NUFIP2: variants seen among roughly 807,000 people sequenced by gnomAD.
The protein encoded by NUFIP2 is FMR1-interacting protein NUFIP2.
Under a neutral mutation model 56.9 loss-of-function variants are expected in NUFIP2, and 6 were observed. The ratio of observed to expected loss-of-function variants is 0.11; its 90% CI spans 0.06 to 0.21. NUFIP2 has a LOEUF of 0.21. NUFIP2 is among the 10% of genes least tolerant of loss of function. The pLI is 1.00. For missense variants in NUFIP2, 828 were observed against 826.8 expected (o/e 1.00, Z -0.02); for synonymous variants, 321 against 298.2 (o/e 1.08, Z -0.79).
At chr17:29,281,522 ATAT>A (rs375600658) in intron 2 of NUFIP2, among the ~76,000 whole-genome samples, 219 of 151,454 alleles carry the variant, frequency 1.4e-3, no homozygotes, top group African/African-American at 5.0e-3. Flanking sequence ...ATGGCATAAC[ATAT>A]TATATAAAAA....
Position 29,261,347 on chromosome 17 carries a change from TAC to T in NUFIP2, c.*3190_*3191del, listed in dbSNP as rs2069001270. On this transcript the variant is annotated 3_prime_UTR_variant, in exon 4 of 4. Coordinates refer to ENST00000225388, the MANE Select transcript of NUFIP2 (RefSeq NM_020772.3). ...TCATTCTCTGAATACTAATGTCTTATACACATTCATTTACTAATTTTTAATAT... is the reference window on the plus strand; with the variant it reads ...TCATTCTCTGAATACTAATGTCTTATACATTCATTTACTAATTTTTAATAT... 1 of 152,116 alleles carries T rather than the reference TAC, an allele frequency of 6.6e-6. No individual in the cohort carries two copies. The highest frequency in any genetic ancestry group is 2.4e-5 in the African/African-American group (1 of 41,432). 9.4% of individuals were successfully genotyped at this position (152,116 alleles called of 1,614,324 possible). A position where few individuals can be genotyped will look rare whatever the true frequency, so the allele number is the denominator to read the frequency against.
At position 29,287,100 on chromosome 17, in the gene NUFIP2, A is replaced by G; in HGVS notation, c.894T>C (p.Asp298=). 5 of 1,614,168 alleles carry G rather than the reference A, an allele frequency of 3.1e-6. No homozygotes were observed. Among genetic ancestry groups the G allele is most frequent in the Non-Finnish European group, 4.2e-6 (5 of 1,180,036 alleles). The change falls in exon 2 of 4, where the codon GAT becomes GAC. Residue 298 remains aspartate, a synonymous_variant. Coordinates refer to ENST00000225388, the MANE Select transcript of NUFIP2 (RefSeq NM_020772.3). ...TACTATCTGAGCTTTTCCGAAGCAT[A>G]TCACCCACAGCAGGTTTTCCTCGAC... ...GTSRGKPAVG[D]MLRKSSDSKP... is the part of the protein sequence containing the mutation.
rs1598428833 is a variant in NUFIP2, at chr17:29,264,408, T to C, written c.*131A>G. 6 of 355,072 alleles carry C rather than the reference T, an allele frequency of 1.7e-5. No individual in the cohort carries two copies. The highest frequency in any genetic ancestry group is 5.3e-5 in the East Asian group (1 of 18,818). The allele number at this position is 355,072 out of a possible 1,614,324, so 22.0% of individuals were successfully genotyped here. On this transcript the variant is annotated 3_prime_UTR_variant, in exon 4 of 4. Coordinates refer to ENST00000225388, the MANE Select transcript of NUFIP2 (RefSeq NM_020772.3). ...ATATATATGTATATATATATATTTG[T>C]ATATATTATCCTGTGATTCTACTTA...
At position 29,286,575 on chromosome 17, in the gene NUFIP2, G is replaced by A. The variant is rs1332365620; in HGVS notation, c.1419C>T (p.Ile473=). 4 of 1,614,038 alleles carry A rather than the reference G, an allele frequency of 2.5e-6. No homozygotes were observed. In the Admixed American group the frequency reaches 5.0e-5, roughly 20 times the overall value. Residue 473 remains isoleucine (I), a synonymous_variant, in exon 2 of 4, where the codon ATC becomes ATT. Transcript: ENST00000225388. ...GCATAGTTTGCATATTTGAAGGATA[G>A]ATAAAAAGGCTAGTCTTAATTTGTT... ...AVEQIKTSLF[I]YPSNMQTMLL...
chr17:29,292,703 G>A (rs990892085), intron 1 of NUFIP2, among the ~76,000 whole-genome samples: 5 of 149,464 alleles, frequency 3.3e-5, no homozygotes, highest in African/African-American at 1.2e-4. Flanking sequence ...CGCCCCGACT[G>A]CCCGCGCCTC....
chr17:29,258,079 T>C lies in NUFIP2; in HGVS notation c.*6460A>G, dbSNP rs557880250. ...CATGGCGTTTCCAATTTTTTTTTTT[T>C]AATATACATGCAAGGCACATTGATA... is the stretch of plus-strand genomic sequence containing the variant. On this transcript the variant is annotated 3_prime_UTR_variant, in exon 4 of 4. Coordinates refer to ENST00000225388, the MANE Select transcript of NUFIP2 (RefSeq NM_020772.3). 6.6e-6 allele frequency: 1 copy of C among 152,144 alleles called. No individual in the cohort carries two copies. The highest frequency in any genetic ancestry group is 2.4e-5 in the African/African-American group (1 of 41,420). The allele number at this position is 152,144 out of a possible 1,614,324, so 9.4% of individuals were successfully genotyped here. A position where few individuals can be genotyped will look rare whatever the true frequency, so the allele number is the denominator to read the frequency against.
chr17:29,281,981 C>T (rs1021729913), intron 2 of NUFIP2, among the ~76,000 whole-genome samples: 6 of 151,690 alleles, frequency 4.0e-5, no homozygotes, highest in Non-Finnish European at 7.4e-5. Flanking sequence ...CCAGGATGGC[C>T]TCGATCTCCT....
intron 3 of NUFIP2, 96 bp from the exon 4 acceptor site, chr17:29,264,687 C>G (rs927765648): frequency 4.8e-5 from 35 of 732,472 alleles, no homozygotes; most frequent in Non-Finnish European, 7.9e-5. Context: ...TTAAACTGAC[C>G]AATTTTTTTA....
At position 29,287,115 on chromosome 17, in the gene NUFIP2, T is replaced by G. The variant is rs2069181495; in HGVS notation, c.879A>C (p.Lys293Asn). 1 of 1,613,976 alleles carries G rather than the reference T, an allele frequency of 6.2e-7. No individual in the cohort carries two copies. Among genetic ancestry groups the G allele is most frequent in the Admixed American group, 1.7e-5 (1 of 59,994 alleles). Residue 293 changes from lysine (K) to asparagine (N), a missense_variant, in exon 2 of 4, where the codon AAA becomes AAC. Physicochemically the swap from Lys to Asn is moderately conservative, Grantham distance 94 (BLOSUM62 0). Coordinates refer to ENST00000225388, the MANE Select transcript of NUFIP2 (RefSeq NM_020772.3). Reference protein sequence around the residue: ...ETGPGGTSRGKPAVGDMLRKS... With the variant: ...ETGPGGTSRGNPAVGDMLRKS... ...TCCGAAGCATATCACCCACAGCAGG[T>G]TTTCCTCGACTTGTTCCTCCAGGCC...
At chr17:29,285,810 C>G (rs1038450181) in intron 2 of NUFIP2, among the ~76,000 whole-genome samples, 182 bp downstream of exon 2, 1 of 152,000 alleles carries the variant, frequency 6.6e-6, no homozygotes, top group Non-Finnish European at 1.5e-5. Context: ...AACATTTCTT[C>G]TAAATTTTAA....
intron 2 of NUFIP2, among the ~76,000 whole-genome samples, chr17:29,284,805 T>C (rs147019508): frequency 6.6e-6 from 1 of 151,786 alleles, no homozygotes; most frequent in African/African-American, 2.4e-5. Flanking sequence ...TTTAGGGCTA[T>C]GAAAAGGAGA....
At chr17:29,267,382 A>G in intron 3 of NUFIP2, 116 bp downstream of exon 3, 1 of 621,230 alleles carries the variant, frequency 1.6e-6, no homozygotes, top group Non-Finnish European at 2.8e-6. Context: ...CAGTTATTAA[A>G]TAACTCAAAA....
intron 1 of NUFIP2, among the ~76,000 whole-genome samples, chr17:29,291,736 T>C (rs546232804): frequency 1.3e-5 from 2 of 152,250 alleles, no homozygotes; most frequent in African/African-American, 2.4e-5. Context: ...TTCTCATCTT[T>C]TGAACAAGAT....
chr17:29,284,130 C>T (rs1282002472), intron 2 of NUFIP2, among the ~76,000 whole-genome samples: 1 of 152,052 alleles, frequency 6.6e-6, no homozygotes, highest in Non-Finnish European at 1.5e-5. Context: ...TGGTATGGTC[C>T]CCTTTCCCTG....
Position 29,260,960 on chromosome 17 carries a change from C to T in NUFIP2, c.*3579G>A, listed in dbSNP as rs1052996912. ...AGGAGGAAGGGCTGGCTACCACAGA[C>T]GCTGTAAATACACTTTATGTGAAGG... On this transcript the variant is annotated 3_prime_UTR_variant, in exon 4 of 4. Transcript: ENST00000225388. 5.1e-4 allele frequency: 78 copies of T among 152,192 alleles called. 1 individual carries two copies. Among genetic ancestry groups the T allele is most frequent in the African/African-American group, 1.7e-3 (72 of 41,540 alleles). 9.4% of individuals were successfully genotyped at this position (152,192 alleles called of 1,614,324 possible).
rs1416558293 is a variant in NUFIP2, at chr17:29,273,515, C to CACACACACAG, written c.2003-5986_2003-5985insCTGTGTGTGT. Among the ~76,000 whole-genome samples the CACACACACAG allele has an allele frequency of 5.8e-3, 803 of 139,032 alleles. 13 individuals carry two copies. The highest frequency in any genetic ancestry group is 0.02 in the African/African-American group (757 of 36,996). The allele number at this position is 139,032 out of a possible 152,430, so 91.2% of individuals were successfully genotyped here. A position where few individuals can be genotyped will look rare whatever the true frequency, so the allele number is the denominator to read the frequency against. On this transcript the variant is annotated intron_variant, in intron 2 of 3. Coordinates refer to ENST00000225388, the MANE Select transcript of NUFIP2 (RefSeq NM_020772.3). ...TCTCTTCTACACACACACACACACA[C>CACACACACAG]ACACACACACAGACACACAGCACAA...
intron 2 of NUFIP2, among the ~76,000 whole-genome samples, chr17:29,272,840 C>CTT (rs869121432): frequency 7.7e-6 from 1 of 129,106 alleles, no homozygotes; most frequent in Non-Finnish European, 1.7e-5. Flanking sequence ...GTAACTGATT[C>CTT]TTTTTTTTTT....
intron 2 of NUFIP2, among the ~76,000 whole-genome samples, chr17:29,285,044 T>G (rs2069163760): frequency 6.6e-6 from 1 of 152,236 alleles, no homozygotes; most frequent in Non-Finnish European, 1.5e-5. Flanking sequence ...GGCTCACACC[T>G]GTAATCACAG....
At chr17:29,269,080 C>A (rs1406797591) in intron 2 of NUFIP2, among the ~76,000 whole-genome samples, 1 of 152,106 alleles carries the variant, frequency 6.6e-6, no homozygotes, top group African/African-American at 2.4e-5. Context: ...GACTATTACA[C>A]AAGAACCAAA....
Sources: gnomAD v4.1 joint callset for allele counts (sites outside exome capture counted in the v4.1 genomes callset) on GRCh38, gnomAD v4.1.1 for gene constraint, MANE v1.5 for transcripts, NCBI Gene and HGNC (gene_info 2026-07-23, HGNC 2026-07-21) for gene names.